Variants in CDH13 observed in about 807,000 individuals in gnomAD.
CDH13 encodes cadherin-13.
A neutral mutation model predicts 63.8 loss-of-function variants in CDH13; 24 were observed. The ratio of observed to expected loss-of-function variants is 0.38; its 90% CI spans 0.27 to 0.53. The LOEUF is 0.53. Ranked by LOEUF, CDH13 falls within the 20% of genes least tolerant of loss-of-function variation. The probability of loss-of-function intolerance (pLI) is 0.85; values close to 1 mark genes in which losing one functional copy is unlikely to be tolerated. For synonymous variants in CDH13, 503 were observed against 355.3 expected (o/e 1.42, Z -4.67); for missense variants, 1,049 against 903.1 (o/e 1.16, Z -2.07).
chr16:82,788,348 A>G (rs2036124878), intron 1 of CDH13, among the ~76,000 whole-genome samples: 1 of 152,190 alleles, frequency 6.6e-6, no homozygotes, highest in Admixed American at 6.5e-5. Context: ...GGTGCCCAGG[A>G]GATGGCTGAG....
chr16:83,357,546 C>G (rs927868326), intron 6 of CDH13, among the ~76,000 whole-genome samples: 8 of 152,094 alleles, frequency 5.3e-5, no homozygotes, highest in Non-Finnish European at 1.0e-4. Context: ...ATTTCAGACA[C>G]CATGGAGCAG....
At chr16:83,526,869 T>C (rs1384126704) in intron 7 of CDH13, among the ~76,000 whole-genome samples, 1 of 152,162 alleles carries the variant, frequency 6.6e-6, no homozygotes, top group Non-Finnish European at 1.5e-5. Flanking sequence ...TGGTGGCTCG[T>C]GCCCGTAATC....
At chr16:83,794,913 G>A (rs1222523963) in intron 13 of CDH13, 110 bp from the exon 14 acceptor site, 8 of 997,856 alleles carry the variant, frequency 8.0e-6, no homozygotes, top group Middle Eastern at 2.0e-4. Flanking sequence ...GTCGTGTGAT[G>A]TTTAAAATGT....
intron 1 of CDH13, among the ~76,000 whole-genome samples, chr16:82,683,444 C>T (rs78573178): frequency 0.027 from 4,112 of 152,286 alleles, 71 homozygotes; most frequent in Middle Eastern, 0.061. Flanking sequence ...GCAATGTCAC[C>T]CCAGTGACAC....
At chr16:83,294,739 A>T (rs1023852442) in intron 5 of CDH13, among the ~76,000 whole-genome samples, 1 of 152,112 alleles carries the variant, frequency 6.6e-6, no homozygotes, top group Non-Finnish European at 1.5e-5. Flanking sequence ...AGAAAACAAA[A>T]ATAAATGGAA....
chr16:83,253,442 G>T (rs556173430), intron 5 of CDH13, among the ~76,000 whole-genome samples: 1 of 152,322 alleles, frequency 6.6e-6, no homozygotes, highest in South Asian at 2.1e-4. Context: ...CAGTGTCCAA[G>T]GCAAAATCTG....
intron 2 of CDH13, among the ~76,000 whole-genome samples, chr16:82,924,794 C>T: frequency 6.6e-6 from 1 of 152,206 alleles, no homozygotes; most frequent in East Asian, 1.9e-4. Context: ...AAGCTTTGAG[C>T]AATGGAACCA....
At chr16:83,303,838 C>G (rs142880447) in intron 5 of CDH13, among the ~76,000 whole-genome samples, 2 of 152,270 alleles carry the variant, frequency 1.3e-5, no homozygotes, top group African/African-American at 2.4e-5. Context: ...TTAAACTACA[C>G]CTTGGCAAGG....
chr16:82,917,500 G>T (rs1226796441), intron 2 of CDH13, among the ~76,000 whole-genome samples: 4 of 152,164 alleles, frequency 2.6e-5, no homozygotes, highest in African/African-American at 9.7e-5. Context: ...AGGCAAGAAG[G>T]AGTGGAAATG....
chr16:83,750,303 A>G (rs1436848142), intron 11 of CDH13, among the ~76,000 whole-genome samples: 1 of 152,212 alleles, frequency 6.6e-6, no homozygotes, highest in East Asian at 1.9e-4. Flanking sequence ...CTCAAAAAAA[A>G]AGAAAGAAAT....
At chr16:82,882,425 C>G (rs149728458) in intron 2 of CDH13, among the ~76,000 whole-genome samples, 7 of 152,178 alleles carry the variant, frequency 4.6e-5, no homozygotes, top group Non-Finnish European at 8.8e-5. Flanking sequence ...CCAATGACCA[C>G]CAGCATTGCA....
intron 2 of CDH13, among the ~76,000 whole-genome samples, chr16:82,944,020 C>T (rs1468248497): frequency 6.6e-6 from 1 of 152,184 alleles, no homozygotes; most frequent in African/African-American, 2.4e-5. Context: ...AGCCCTTTAT[C>T]AGCTGAGTCC....
chr16:83,749,027 G>A (rs1214908914), intron 11 of CDH13, among the ~76,000 whole-genome samples: 1 of 152,172 alleles, frequency 6.6e-6, no homozygotes, highest in Non-Finnish European at 1.5e-5. Context: ...TGAATGCAGA[G>A]CTGACAGGAT....
At chr16:83,234,136 C>T (rs926004240) in intron 5 of CDH13, among the ~76,000 whole-genome samples, 1 of 152,208 alleles carries the variant, frequency 6.6e-6, no homozygotes, top group Non-Finnish European at 1.5e-5. Flanking sequence ...TAGATTCTTG[C>T]TCTGAAAGCT....
At chr16:82,961,610 G>T (rs990773151) in intron 2 of CDH13, among the ~76,000 whole-genome samples, 4 of 149,806 alleles carry the variant, frequency 2.7e-5, no homozygotes, top group East Asian at 2.0e-4. Context: ...CTGGTACTTG[G>T]GCCTTACCCC....
chr16:83,314,294 T>G (rs1187818878), intron 5 of CDH13, among the ~76,000 whole-genome samples: 2 of 152,102 alleles, frequency 1.3e-5, no homozygotes, highest in East Asian at 1.9e-4. Flanking sequence ...TGTGATTTTT[T>G]TTTCTTTCAA....
chr16:83,466,480 A>G (rs762831862), intron 6 of CDH13, among the ~76,000 whole-genome samples: 1 of 152,210 alleles, frequency 6.6e-6, no homozygotes, highest in Non-Finnish European at 1.5e-5. Flanking sequence ...ATAAGCACAC[A>G]GCCTAGTGGC....
intron 10 of CDH13, among the ~76,000 whole-genome samples, chr16:83,709,747 A>C (rs775430380): frequency 6.6e-6 from 1 of 152,248 alleles, no homozygotes. Flanking sequence ...TAAACATTTT[A>C]TTCATAGACT....
At chr16:83,630,079 C>T (rs558754213) in intron 8 of CDH13, among the ~76,000 whole-genome samples, 1 of 152,342 alleles carries the variant, frequency 6.6e-6, no homozygotes, top group East Asian at 1.9e-4. Flanking sequence ...GGTTGGCAAA[C>T]ATCTAGCCTA....
Sources: gnomAD v4.1 joint callset for allele counts (sites outside exome capture counted in the v4.1 genomes callset) on GRCh38, gnomAD v4.1.1 for gene constraint, MANE v1.5 for transcripts, NCBI Gene and HGNC (gene_info 2026-07-23, HGNC 2026-07-21) for gene names.